The following GCFC2 variants were observed in gnomAD, a reference collection of about 807,000 sequenced individuals.
The protein encoded by GCFC2 is GC-rich sequence DNA-binding factor 2, also known as intron Large complex component GCFC2.
Under a neutral mutation model 99.4 loss-of-function variants are expected in GCFC2, and 102 were observed. That is an observed-to-expected ratio of 1.03 (90% confidence interval 0.87 to 1.21). The LOEUF is 1.21. Among genes scored for constraint, GCFC2 ranks in the 50% most tolerant of loss-of-function variants. The probability of loss-of-function intolerance (pLI) is 0.00; values close to 1 mark genes in which losing one functional copy is unlikely to be tolerated. For missense variants in GCFC2, 973 were observed against 920.9 expected (o/e 1.06, Z -0.73); for synonymous variants, 338 against 316.8 (o/e 1.07, Z -0.71).
chr2:75,698,917 C>T (rs534087039), intron 4 of GCFC2, among the ~76,000 whole-genome samples: 19 of 151,056 alleles, frequency 1.3e-4, no homozygotes, highest in African/African-American at 4.4e-4. Flanking sequence ...GAAGCTGAGG[C>T]ATGAGAATTG....
chr2:75,696,606 T>G (rs6547018), intron 4 of GCFC2, among the ~76,000 whole-genome samples: 1 of 152,146 alleles, frequency 6.6e-6, no homozygotes, highest in Non-Finnish European at 1.5e-5. Flanking sequence ...CCCAGTTTTT[T>G]AAGAAACAAC....
chr2:75,693,848 T>C (rs191897749), intron 6 of GCFC2, among the ~76,000 whole-genome samples: 61 of 152,196 alleles, frequency 4.0e-4, no homozygotes, highest in African/African-American at 1.3e-3. Flanking sequence ...AAATATGATA[T>C]GTAAAAACAA....
chr2:75,705,208 C>T (rs1024347617), intron 2 of GCFC2, among the ~76,000 whole-genome samples: 7 of 152,098 alleles, frequency 4.6e-5, no homozygotes, highest in Non-Finnish European at 1.0e-4. Context: ...CAACTGTTTA[C>T]TAGATTTCAG....
chr2:75,710,239 T>C (rs181818617), intron 1 of GCFC2, among the ~76,000 whole-genome samples: 2 of 152,346 alleles, frequency 1.3e-5, no homozygotes, highest in African/African-American at 4.8e-5. Context: ...GCCCACTTAA[T>C]AGTATTATAA....
At chr2:75,683,137 AATTGTCAG>A (rs1178766552) in intron 11 of GCFC2, among the ~76,000 whole-genome samples, 1 of 151,770 alleles carries the variant, frequency 6.6e-6, no homozygotes, top group Non-Finnish European at 1.5e-5. Flanking sequence ...CAAGACACAT[AATTGTCAG>A]ATTCACCAAG....
At chr2:75,712,824 C>T (rs1485861940), upstream of GCFC2, among the ~76,000 whole-genome samples, 3 of 152,180 alleles carry the variant, frequency 2.0e-5, no homozygotes, top group African/African-American at 7.2e-5. Flanking sequence ...CCGCGAGGGT[C>T]CGCAGCTTCA....
upstream of GCFC2, among the ~76,000 whole-genome samples, chr2:75,711,734 G>A (rs962185854): frequency 1.3e-5 from 2 of 152,226 alleles, no homozygotes; most frequent in African/African-American, 4.8e-5. Flanking sequence ...GGCTACAGAG[G>A]GTGTACTGGG....
chr2:75,709,067 T>C (rs1273120282), intron 1 of GCFC2, among the ~76,000 whole-genome samples: 1 of 152,246 alleles, frequency 6.6e-6, no homozygotes, highest in African/African-American at 2.4e-5. Flanking sequence ...AAAACAATGC[T>C]ACTCTTCCTT....
intron 13 of GCFC2, among the ~76,000 whole-genome samples, chr2:75,673,134 C>A (rs1406800312): frequency 6.6e-6 from 1 of 151,974 alleles, no homozygotes; most frequent in African/African-American, 2.4e-5. Context: ...CATGGTGAAA[C>A]CCCATCTCTA....
chr2:75,688,590 T>C (rs924304941), intron 10 of GCFC2, among the ~76,000 whole-genome samples: 2 of 152,138 alleles, frequency 1.3e-5, no homozygotes, highest in Non-Finnish European at 2.9e-5. Flanking sequence ...ATGAAACACC[T>C]TTCCCTTTCT....
At position 75,694,226 on chromosome 2, in the gene GCFC2, A is replaced by C. The variant is rs571856222; in HGVS notation, c.1020+15T>G. The C allele has an allele frequency of 1.5e-6, 1 of 671,150 alleles. No homozygotes were observed. The highest frequency in any genetic ancestry group is 2.7e-5 in the South Asian group (1 of 36,576). 41.6% of individuals were successfully genotyped at this position (671,150 alleles called of 1,614,324 possible). A position where few individuals can be genotyped will look rare whatever the true frequency, so the allele number is the denominator to read the frequency against. ...TCCAAAAAAGGAAATGATATAAATA[A>C]ATATTGATATGTACCTTTTCATTAA... On this transcript the variant is annotated intron_variant, in intron 6 of 16. Coordinates refer to ENST00000321027, the MANE Select transcript of GCFC2 (RefSeq NM_003203.5).
intron 11 of GCFC2, among the ~76,000 whole-genome samples, chr2:75,683,024 G>A (rs1302397119): frequency 6.6e-6 from 1 of 151,824 alleles, no homozygotes; most frequent in Non-Finnish European, 1.5e-5. Flanking sequence ...CACTCTTCAG[G>A]ACATTATCCG....
intron 12 of GCFC2, among the ~76,000 whole-genome samples, chr2:75,678,175 GA>G (rs1679430845): frequency 3.3e-5 from 5 of 152,124 alleles, no homozygotes; most frequent in African/African-American, 1.2e-4. Flanking sequence ...GAGACAATGT[GA>G]AAGTATTTAA....
Position 75,689,245 on chromosome 2 carries a change from CTT to C in GCFC2, c.1340-22_1340-21del, listed in dbSNP as rs1263029358. 8.8e-6 allele frequency: 12 copies of C among 1,371,362 alleles called. No homozygotes were observed. The Admixed American group carries it at 1.8e-4, about 20-fold the overall frequency. The allele number at this position is 1,371,362 out of a possible 1,614,324, so 84.9% of individuals were successfully genotyped here. A position where few individuals can be genotyped will look rare whatever the true frequency, so the allele number is the denominator to read the frequency against. ...TGTCACCTGTAAACAAAATAAGTCT[CTT>C]TATGCATTTTAAGTTGTGAACTTTA... On this transcript the variant is annotated intron_variant, in intron 9 of 16. Coordinates refer to ENST00000321027, the MANE Select transcript of GCFC2 (RefSeq NM_003203.5).
rs200061030 is a variant in GCFC2 at position 75,701,252 on chromosome 2, C to A, written c.655G>T (p.Glu219Ter). ...RNEETSEESQ[E>*]DEKQDTWEQQ... Reference sequence around the variant, plus strand: ...TCCCAAGTATCTTGCTTTTCATCTTCCTGACTTTCTTCACTTGTTTCTTCA... The same window carrying A: ...TCCCAAGTATCTTGCTTTTCATCTTACTGACTTTCTTCACTTGTTTCTTCA... Residue 219 changes from glutamate to a stop codon, truncating the protein, a stop_gained, in exon 4 of 17, where the codon GAA becomes TAA. Coordinates refer to ENST00000321027, the MANE Select transcript of GCFC2 (RefSeq NM_003203.5). LOFTEE classifies it high-confidence loss of function. 2.2e-5 allele frequency: 35 copies of A among 1,608,632 alleles called. No individual in the cohort carries two copies. Among genetic ancestry groups the A allele is most frequent in the Non-Finnish European group, 2.4e-5 (28 of 1,175,168 alleles).
chr2:75,693,675 G>C (rs1680184631), intron 6 of GCFC2, among the ~76,000 whole-genome samples: 2 of 151,742 alleles, frequency 1.3e-5, no homozygotes, highest in Admixed American at 6.6e-5. Flanking sequence ...CATTAAGTAG[G>C]ATAAAACATT....
At chr2:75,696,148 T>G (rs1680312929) in intron 5 of GCFC2, 52 bp downstream of exon 5, 2 of 736,928 alleles carry the variant, frequency 2.7e-6, no homozygotes, top group African/African-American at 3.5e-5. Flanking sequence ...TGTTATATCT[T>G]TAGTATTAAA....
chr2:75,710,708 C>T lies in GCFC2; in HGVS notation c.148G>A (p.Gly50Ser). ...GGCAGTCCCGCCACCTGCGCGCGGC[C>T]TCCTCCAGAGGGCGGCTCTTCCTCC... ...SAEEEPPSGGGRAQVAGLPHR... is the reference protein window; with the variant it reads ...SAEEEPPSGGSRAQVAGLPHR... Residue 50 changes from glycine to serine, a missense_variant, in exon 1 of 17, where the codon GGC (glycine) becomes AGC (serine). By Grantham distance (56) the Gly-to-Ser change is moderately conservative. Transcript: ENST00000321027. The T allele has an allele frequency of 6.5e-7, 1 of 1,541,116 alleles. No homozygotes were observed.
upstream of GCFC2, chr2:75,710,921 C>G: frequency 7.1e-7 from 1 of 1,406,174 alleles, no homozygotes; most frequent in African/African-American, 1.5e-5. Flanking sequence ...TCAGTGCCCG[C>G]CCCCTAGGGC....
Sources: allele counts gnomAD v4.1 joint callset (sites outside exome capture counted in the v4.1 genomes callset), GRCh38; gene constraint gnomAD v4.1.1; transcripts MANE v1.5; gene names NCBI Gene and HGNC (gene_info 2026-07-23, HGNC 2026-07-21).